PIWIL2: variants seen among roughly 807,000 people sequenced by gnomAD.
PIWIL2 encodes the protein piwi like RNA-mediated gene silencing 2, also known as piwi-like protein 2.
PIWIL2 carries 81 observed loss-of-function variants against 116.5 expected under a neutral mutation model. That is an observed-to-expected ratio of 0.70 (90% CI 0.58 to 0.84). The LOEUF is 0.84. Ranked by LOEUF, PIWIL2 falls within the 40% of genes least tolerant of loss-of-function variation. The pLI, the probability that PIWIL2 is intolerant of heterozygous loss-of-function variation, is 0.00. For missense variants in PIWIL2, 1,272 were observed against 1,212.3 expected, an observed-to-expected ratio of 1.05 and a Z score of -0.73; for synonymous variants, 489 against 429.5, an observed-to-expected ratio of 1.14 and a Z score of -1.71.
rs773958688 is a variant in PIWIL2, at chr8:22,315,100, T to C, written c.2163T>C (p.Ile721=). Residue 721 remains isoleucine (I), a synonymous_variant, in exon 18 of 23, where the codon ATT becomes ATC. Transcript: ENST00000356766. ...RSVAQKILLQ[I]NCKLGGELWG... ...TGGCCCAGAAGATTTTACTTCAGAT[T>C]AACTGTAAATTGGGTGGTGAGCTCT... 5 of 1,612,936 alleles carry C rather than the reference T, an allele frequency of 3.1e-6. No individual in the cohort carries two copies. In the South Asian group the frequency reaches 5.5e-5, roughly 18 times the overall value.
At chr8:22,305,062 C>T (rs1831143004) in intron 12 of PIWIL2, among the ~76,000 whole-genome samples, 194 bp downstream of exon 12, 1 of 152,058 alleles carries the variant, frequency 6.6e-6, no homozygotes, top group Non-Finnish European at 1.5e-5. Flanking sequence ...TTAGAAGTCC[C>T]CACGAGGCGG....
chr8:22,299,483 C>T (rs1310161732), intron 10 of PIWIL2, among the ~76,000 whole-genome samples: 1 of 152,110 alleles, frequency 6.6e-6, no homozygotes, highest in Admixed American at 6.5e-5. Context: ...GCTGGGATTG[C>T]AAGCGTGAGC....
At position 22,304,782 on chromosome 8, in the gene PIWIL2, A is replaced by T; in HGVS notation, c.1371-2A>T. 1 of 1,609,140 alleles carries T rather than the reference A, an allele frequency of 6.2e-7. No individual in the cohort carries two copies. Reference sequence around the variant, plus strand: ...TTTTTTCCTGCCTCTACTCTGCTCTAGCAAAAATTATGGGATCACAGTTAA... The same window carrying T: ...TTTTTTCCTGCCTCTACTCTGCTCTTGCAAAAATTATGGGATCACAGTTAA... On this transcript the variant is annotated splice_acceptor_variant, in intron 11 of 22. Coordinates refer to ENST00000356766, the MANE Select transcript of PIWIL2 (RefSeq NM_018068.5). LOFTEE classifies it high-confidence loss of function.
At chr8:22,334,882 T>C (rs1051606826) in intron 20 of PIWIL2, among the ~76,000 whole-genome samples, 4 of 151,798 alleles carry the variant, frequency 2.6e-5, no homozygotes, top group African/African-American at 9.7e-5. Context: ...TAGTGAAACC[T>C]CATCTCTGCT....
Position 22,294,899 on chromosome 8 carries a change from GGAAAAAAAAAAA to G in PIWIL2, c.1181+4554_1181+4565del, listed in dbSNP as rs1363768804. On this transcript the variant is annotated intron_variant, in intron 10 of 22. Coordinates refer to ENST00000356766, the MANE Select transcript of PIWIL2 (RefSeq NM_018068.5). Reference sequence around the variant, plus strand: ...AACATGGTGAAATCCCATCTTTACTGGAAAAAAAAAAAAAAAAAAAAAAAAAAAAATTAACTG... The same window carrying G: ...AACATGGTGAAATCCCATCTTTACTGAAAAAAAAAAAAAAAAAATTAACTG... 1.0e-3 allele frequency among the ~76,000 whole-genome samples: 82 copies of G among 79,420 alleles called. 6 individuals carry two copies. In the East Asian group the frequency reaches 0.014, roughly 13 times the overall value. 52.1% of individuals were successfully genotyped at this position (79,420 alleles called of 152,430 possible).
At chr8:22,276,130 A>T (rs974112590) in intron 1 of PIWIL2, 1 of 152,330 alleles carries the variant, frequency 6.6e-6, no homozygotes, top group African/African-American at 2.4e-5. Context: ...TTAGCAGTTA[A>T]ATATAGCCTT....
chr8:22,317,800 CA>C (rs1831498190), intron 19 of PIWIL2, among the ~76,000 whole-genome samples: 1 of 152,102 alleles, frequency 6.6e-6, no homozygotes, highest in African/African-American at 2.4e-5. Flanking sequence ...GCTGGGACTA[CA>C]GGTGTCCGCC....
chr8:22,355,727 A>G lies in PIWIL2; in HGVS notation c.*222A>G, dbSNP rs1259197797. 7 of 534,894 alleles carry G rather than the reference A, an allele frequency of 1.3e-5. No individual in the cohort carries two copies. The highest frequency in any genetic ancestry group is 2.3e-5 in the Non-Finnish European group (7 of 298,848). The allele number at this position is 534,894 out of a possible 1,614,324, so 33.1% of individuals were successfully genotyped here. ...ATGGCCTTGTTGCCTGTGTAGAGCA[A>G]GTTACGGTGGTACTGCCACTCTGCA... On this transcript the variant is annotated 3_prime_UTR_variant, in exon 23 of 23. Coordinates refer to ENST00000356766, the MANE Select transcript of PIWIL2 (RefSeq NM_018068.5).
chr8:22,290,205 CT>C, intron 9 of PIWIL2, 27 bp from the exon 10 acceptor site: 1 of 1,402,026 alleles, frequency 7.1e-7, no homozygotes, highest in Non-Finnish European at 1.0e-6. Flanking sequence ...TTTGAAAATC[CT>C]ACAGTTGAGA....
At chr8:22,317,745 C>T (rs968954207) in intron 19 of PIWIL2, among the ~76,000 whole-genome samples, 3 of 152,024 alleles carry the variant, frequency 2.0e-5, no homozygotes, top group Admixed American at 6.6e-5. Context: ...CTGCAAGCTC[C>T]GCCTCCCAGG....
chr8:22,308,460 C>T (rs1831243109), intron 14 of PIWIL2, among the ~76,000 whole-genome samples: 2 of 151,930 alleles, frequency 1.3e-5, no homozygotes, highest in Admixed American at 1.3e-4. Context: ...CGAGAAGAGC[C>T]TGGCCAGCAT....
At position 22,308,039 on chromosome 8, in the gene PIWIL2, G is replaced by C; in HGVS notation, c.1652G>C (p.Arg551Pro). The change falls in exon 14 of 23, where the codon CGT (arginine) becomes CCT (proline). Residue 551 changes from arginine to proline, a missense_variant. Coordinates refer to ENST00000356766, the MANE Select transcript of PIWIL2 (RefSeq NM_018068.5). ...KNEAATNELM[R>P]WGLRLQKDVH... Reference sequence around the variant, plus strand: ...GAGGCAGCCACCAATGAACTGATGCGTTGGGGGCTCCGTCTGCAAAAGGAT... The same window carrying C: ...GAGGCAGCCACCAATGAACTGATGCCTTGGGGGCTCCGTCTGCAAAAGGAT... The C allele has an allele frequency of 1.2e-6, 2 of 1,613,946 alleles. No individual in the cohort carries two copies. Among genetic ancestry groups the C allele is most frequent in the Non-Finnish European group, 1.7e-6 (2 of 1,179,924 alleles).
intron 13 of PIWIL2, among the ~76,000 whole-genome samples, 187 bp downstream of exon 13, chr8:22,306,203 C>T (rs886188584): frequency 1.3e-5 from 2 of 152,108 alleles, no homozygotes; most frequent in South Asian, 2.1e-4. Flanking sequence ...TTCCCACACA[C>T]GATGTGAAAA....
intron 20 of PIWIL2, among the ~76,000 whole-genome samples, chr8:22,327,024 C>CTTTTTTTTTTTTTT (rs71544876): frequency 1.2e-4 from 13 of 105,470 alleles, no homozygotes; most frequent in Non-Finnish European, 1.1e-4. Context: ...TGTTTTTTTA[C>CTTTTTTTTTTTTTT]TTTTTTTTTT....
At chr8:22,329,390 G>A (rs1586584345) in intron 20 of PIWIL2, among the ~76,000 whole-genome samples, 1 of 152,324 alleles carries the variant, frequency 6.6e-6, no homozygotes, top group East Asian at 1.9e-4. Flanking sequence ...TCAGCTGCTA[G>A]GGAGGCCTCA....
In PIWIL2 at chr8:22,304,032, A is replaced by G. The variant is rs1831115273; in HGVS notation, c.1193A>G (p.Tyr398Cys). 3.1e-6 allele frequency: 5 copies of G among 1,611,436 alleles called. No homozygotes were observed. Among genetic ancestry groups the G allele is most frequent in the Non-Finnish European group, 4.2e-6 (5 of 1,178,440 alleles). The change falls in exon 11 of 23, where the codon TAT becomes TGT. Residue 398 changes from tyrosine to cysteine, a missense_variant. Tyr to Cys is a radical substitution (Grantham distance 194). Coordinates refer to ENST00000356766, the MANE Select transcript of PIWIL2 (RefSeq NM_018068.5). ...DCVLDVMHAI[Y>C]QQNKEHFQDE... ...ATCTCTTTCCAAAGGCATGCCATTT[A>G]TCAGCAGAATAAAGAACACTTCCAG...
rs1831423515 is a variant in PIWIL2, at chr8:22,315,055, G to A, written c.2118G>A (p.Gln706=). The change falls in exon 18 of 23, where the codon CAG becomes CAA. Residue 706 remains glutamine, a synonymous_variant. Transcript: ENST00000356766. The part of the protein sequence containing the change: ...SQVVNVRTIG[Q]PTRLRSVAQK... Reference sequence around the variant, plus strand: ...TTGTCAATGTTCGAACCATTGGTCAGCCCACCAGGCTTCGGAGTGTGGCCC... The same window carrying A: ...TTGTCAATGTTCGAACCATTGGTCAACCCACCAGGCTTCGGAGTGTGGCCC... 1.9e-6 allele frequency: 3 copies of A among 1,613,272 alleles called. No homozygotes were observed. Among genetic ancestry groups the A allele is most frequent in the Non-Finnish European group, 8.5e-7 (1 of 1,179,376 alleles).
chr8:22,351,739 A>G lies in PIWIL2; in HGVS notation c.2404-1220A>G, dbSNP rs190569950. Among the ~76,000 whole-genome samples the G allele has an allele frequency of 4.3e-3, 650 of 151,392 alleles. 7 individuals are homozygous for G. Among genetic ancestry groups the G allele is most frequent in the African/African-American group, 0.015 (629 of 41,314 alleles). On this transcript the variant is annotated intron_variant, in intron 20 of 22. Transcript: ENST00000356766. ...TTTTAGTAGAGACGAGGGTTTCACCATGTTGGCCAGGGTGGTCTTGAACTT... is the reference window on the plus strand; with the variant it reads ...TTTTAGTAGAGACGAGGGTTTCACCGTGTTGGCCAGGGTGGTCTTGAACTT...
intron 20 of PIWIL2, among the ~76,000 whole-genome samples, chr8:22,346,273 C>T (rs1382822204): frequency 1.3e-5 from 2 of 152,086 alleles, no homozygotes; most frequent in Non-Finnish European, 2.9e-5. Context: ...TATGGTATTT[C>T]GAACTATATT....
Sources: allele counts gnomAD v4.1 joint callset (sites outside exome capture counted in the v4.1 genomes callset), GRCh38; gene constraint gnomAD v4.1.1; transcripts MANE v1.5; gene names NCBI Gene and HGNC (gene_info 2026-07-23, HGNC 2026-07-21).